ANK1: variants seen among roughly 807,000 people sequenced by gnomAD.
ANK1 encodes the protein ankyrin 1.
In ANK1, 51 loss-of-function variants were observed where a neutral mutation model predicts 210.4. That is an observed-to-expected ratio of 0.24 (90% CI 0.19 to 0.31). The LOEUF (loss-of-function observed/expected upper bound fraction) is 0.31. ANK1 is among the 10% of genes least tolerant of loss of function. The probability of loss-of-function intolerance (pLI) is 1.00; values close to 1 mark genes in which losing one functional copy is unlikely to be tolerated. For synonymous variants in ANK1, 967 were observed against 1,025.9 expected (o/e 0.94, Z 1.10); for missense variants, 2,051 against 2,504.4 (o/e 0.82, Z 3.86).
intron 1 of ANK1, among the ~76,000 whole-genome samples, chr8:41,772,736 T>C (rs1843186963): frequency 6.6e-6 from 1 of 152,254 alleles, no homozygotes; most frequent in Non-Finnish European, 1.5e-5. Flanking sequence ...TGCAGTGTCC[T>C]GCTGCTGGCT....
chr8:41,754,738 G>A (rs1838669878), intron 2 of ANK1, among the ~76,000 whole-genome samples: 2 of 152,208 alleles, frequency 1.3e-5, no homozygotes, highest in Admixed American at 6.5e-5. Context: ...GGGTGCATTC[G>A]TGGGTTTCAT....
intron 2 of ANK1, among the ~76,000 whole-genome samples, chr8:41,752,088 C>T (rs1241862216): frequency 6.6e-6 from 1 of 152,176 alleles, no homozygotes; most frequent in African/African-American, 2.4e-5. Context: ...CTTACTTCTT[C>T]CAGACCTCTT....
chr8:41,715,281 A>T (rs1827315271), intron 14 of ANK1, among the ~76,000 whole-genome samples: 1 of 152,196 alleles, frequency 6.6e-6, no homozygotes. Context: ...CTCTGGCAAG[A>T]GGGTCTCAAC....
chr8:41,780,692 A>ATGCCTGTGTGTGCACGTG (rs1413383951), intron 1 of ANK1, among the ~76,000 whole-genome samples: 1 of 152,204 alleles, frequency 6.6e-6, no homozygotes, highest in Admixed American at 6.5e-5. Flanking sequence ...ACATGTGTGC[A>ATGCCTGTGTGTGCACGTG]TGCCTGTGTG....
rs377552554 is a variant in ANK1, at chr8:41,655,702, G to A, written c.*88C>T. The A allele has an allele frequency of 2.5e-6, 4 of 1,613,450 alleles. No individual in the cohort carries two copies. The highest frequency in any genetic ancestry group is 3.4e-6 in the Non-Finnish European group (4 of 1,179,536). ...GGCCCTCAGGTCCAGCTCTCCTCCTGTGTGCATGGCAGAGTGTGTGGGGTT... is the reference window on the plus strand; with the variant it reads ...GGCCCTCAGGTCCAGCTCTCCTCCTATGTGCATGGCAGAGTGTGTGGGGTT... On this transcript the variant is annotated 3_prime_UTR_variant, in exon 43 of 43. Transcript: ENST00000289734.
At chr8:41,829,085 C>G (rs967849105) in intron 1 of ANK1, 18 of 152,302 alleles carry the variant, frequency 1.2e-4, no homozygotes, top group African/African-American at 4.3e-4. Flanking sequence ...ACCGGACACC[C>G]TGCCGCAATC....
At chr8:41,878,505 G>A (rs1373142550) in intron 1 of ANK1, among the ~76,000 whole-genome samples, 1 of 152,192 alleles carries the variant, frequency 6.6e-6, no homozygotes, top group Non-Finnish European at 1.5e-5. Flanking sequence ...CAGAAGCCAT[G>A]GTCAAGATCA....
At chr8:41,706,355 T>C (rs1824575250) in intron 17 of ANK1, 114 bp from the exon 18 acceptor site, 6 of 940,906 alleles carry the variant, frequency 6.4e-6, no homozygotes, top group Admixed American at 2.0e-5. Flanking sequence ...AACTAGTTAT[T>C]TGGCTCCAGG....
chr8:41,666,218 A>G (rs992182236), intron 39 of ANK1, among the ~76,000 whole-genome samples: 2 of 148,644 alleles, frequency 1.3e-5, no homozygotes, highest in South Asian at 2.1e-4. Context: ...GAATGCTAAC[A>G]CTATGAATGA....
intron 1 of ANK1, among the ~76,000 whole-genome samples, chr8:41,812,978 G>A (rs116600528): frequency 0.024 from 3,672 of 152,236 alleles, 155 homozygotes; most frequent in African/African-American, 0.081. Context: ...ACTCTCCCAA[G>A]AAGTTTTTAA....
intron 10 of ANK1, among the ~76,000 whole-genome samples, chr8:41,718,810 A>G (rs1207105910): frequency 6.6e-6 from 1 of 152,186 alleles, no homozygotes. Context: ...CTAGGGAAGG[A>G]GAGCTATGAG....
chr8:41,786,542 A>G (rs1846437633), intron 1 of ANK1, among the ~76,000 whole-genome samples: 1 of 152,216 alleles, frequency 6.6e-6, no homozygotes, highest in South Asian at 2.1e-4. Context: ...CCACGTTGCA[A>G]ACTAATGGAG....
intron 1 of ANK1, among the ~76,000 whole-genome samples, chr8:41,769,799 C>A (rs1842631903): frequency 1.3e-5 from 2 of 152,022 alleles, no homozygotes; most frequent in Non-Finnish European, 2.9e-5. Flanking sequence ...ACATCCTTGT[C>A]AAGACTTGGT....
chr8:41,822,064 AAGAGAGAGAGAGAG>A (rs10605195), intron 1 of ANK1, among the ~76,000 whole-genome samples: 29 of 36,242 alleles, frequency 8.0e-4, no homozygotes, highest in East Asian at 2.5e-3. Context: ...GAAAGAAAGA[AAGAGAGAGAGAGAG>A]AGAGAGAGAG....
chr8:41,661,692 G>C, intron 41 of ANK1, 128 bp from the exon 42 acceptor site: 1 of 1,597,620 alleles, frequency 6.3e-7, no homozygotes, highest in Non-Finnish European at 8.5e-7. Context: ...AGAGACTGGA[G>C]AGAGAGCTCA....
chr8:41,771,360 T>C (rs1052733615), intron 1 of ANK1, among the ~76,000 whole-genome samples: 7 of 152,186 alleles, frequency 4.6e-5, no homozygotes, highest in Admixed American at 3.9e-4. Flanking sequence ...TAAACTATTG[T>C]TCTTTTCCCC....
intron 2 of ANK1, among the ~76,000 whole-genome samples, chr8:41,755,458 A>G (rs1191184395): frequency 6.6e-6 from 1 of 152,236 alleles, no homozygotes; most frequent in Non-Finnish European, 1.5e-5. Context: ...TGAAGGTGTG[A>G]TTCACCTCCG....
intron 31 of ANK1, among the ~76,000 whole-genome samples, chr8:41,692,377 C>T (rs140325351): frequency 8.5e-4 from 129 of 152,336 alleles, no homozygotes; most frequent in African/African-American, 2.7e-3. Context: ...TTTTAATAGT[C>T]CCTGGTGCAC....
intron 1 of ANK1, among the ~76,000 whole-genome samples, chr8:41,775,609 G>A (rs1381369952): frequency 2.0e-5 from 3 of 152,214 alleles, no homozygotes; most frequent in Non-Finnish European, 2.9e-5. Flanking sequence ...GCAGGGCATG[G>A]TGGCTTATGC....
Sources: allele counts gnomAD v4.1 joint callset (sites outside exome capture counted in the v4.1 genomes callset), GRCh38; gene constraint gnomAD v4.1.1; transcripts MANE v1.5; gene names NCBI Gene and HGNC (gene_info 2026-07-23, HGNC 2026-07-21).